EPB41L2: variants seen among roughly 807,000 people sequenced by gnomAD.
EPB41L2 encodes the protein band 4.1-like protein 2.
Under a neutral mutation model 113.0 loss-of-function variants are expected in EPB41L2, and 43 were observed. The observed-to-expected ratio is 0.38, with a 90% CI of 0.30 to 0.49. EPB41L2 has a LOEUF of 0.49. Ranked by LOEUF, EPB41L2 falls within the 20% of genes least tolerant of loss-of-function variation. The pLI is 0.95. For missense variants in EPB41L2, 1,147 were observed against 1,223.4 expected, an observed-to-expected ratio of 0.94 and a Z score of 0.93; for synonymous variants, 442 against 436.7, an observed-to-expected ratio of 1.01 and a Z score of -0.15.
chr6:130,859,617 T>C (rs1207675667), intron 18 of EPB41L2, among the ~76,000 whole-genome samples: 1 of 151,912 alleles, frequency 6.6e-6, no homozygotes, highest in Non-Finnish European at 1.5e-5. Flanking sequence ...AATAAAGCCA[T>C]GCAATTTTTT....
chr6:130,888,971 A>G (rs1319814474), intron 11 of EPB41L2, among the ~76,000 whole-genome samples: 2 of 152,166 alleles, frequency 1.3e-5, no homozygotes, highest in Non-Finnish European at 2.9e-5. Flanking sequence ...CTTCTAGAAA[A>G]AGCAGATGAA....
intron 19 of EPB41L2, among the ~76,000 whole-genome samples, chr6:130,847,510 A>G (rs116773314): frequency 8.9e-4 from 135 of 152,268 alleles, no homozygotes; most frequent in Middle Eastern, 3.4e-3. Flanking sequence ...GAAGAATAAG[A>G]GCTTGAGGAA....
chr6:130,999,175 A>T (rs1160140559), intron 1 of EPB41L2, among the ~76,000 whole-genome samples: 2 of 151,902 alleles, frequency 1.3e-5, no homozygotes, highest in Non-Finnish European at 2.9e-5. Flanking sequence ...TCTCTCCCAG[A>T]TCCCCTAGTG....
rs759961373 is a variant in EPB41L2, at chr6:130,901,186, A to C, written c.930-6T>G. On this transcript the variant is annotated splice_polypyrimidine_tract_variant and splice_region_variant and intron_variant, in intron 6 of 19. Coordinates refer to ENST00000337057, the MANE Select transcript of EPB41L2 (RefSeq NM_001431.4). ...GCTGAAGGCACAAGAAGTATCTGTG[A>C]GGAGCAGAGGGAGAAATGGGTCAGG... 1.2e-6 allele frequency: 2 copies of C among 1,612,440 alleles called. No individual in the cohort carries two copies. The highest frequency in any genetic ancestry group is 2.7e-5 in the African/African-American group (2 of 74,908).
rs191620479 is a variant in EPB41L2, at chr6:130,880,359, A to T, written c.1834-153T>A. On this transcript the variant is annotated intron_variant, in intron 12 of 19. Coordinates refer to ENST00000337057, the MANE Select transcript of EPB41L2 (RefSeq NM_001431.4). ...TGAACTTAAAGCCACAACAAACACA[A>T]CTCACAAATAAACCCTGAGAGTGGA... The T allele has an allele frequency of 5.9e-5, 37 of 624,912 alleles. No homozygotes were observed. The Middle Eastern group carries it at 3.1e-3, about 52-fold the overall frequency. 38.7% of individuals were successfully genotyped at this position (624,912 alleles called of 1,614,324 possible).
intron 1 of EPB41L2, among the ~76,000 whole-genome samples, chr6:131,025,650 A>C (rs1790697917): frequency 6.6e-6 from 1 of 152,174 alleles, no homozygotes; most frequent in African/African-American, 2.4e-5. Context: ...TCTTTAAAAC[A>C]CATTTGTCCT....
At chr6:130,913,796 T>G (rs1046927476) in intron 4 of EPB41L2, among the ~76,000 whole-genome samples, 7 of 152,146 alleles carry the variant, frequency 4.6e-5, no homozygotes, top group Non-Finnish European at 1.0e-4. Flanking sequence ...CAAACAAAAC[T>G]TTTAAATAAA....
chr6:131,007,995 C>A (rs541027987), intron 1 of EPB41L2, among the ~76,000 whole-genome samples: 2 of 152,304 alleles, frequency 1.3e-5, no homozygotes, highest in East Asian at 3.9e-4. Context: ...AACCAATTTT[C>A]TGGGGAGAAA....
chr6:130,848,195 TCTCTCA>T (rs1777621124), intron 19 of EPB41L2, among the ~76,000 whole-genome samples: 16 of 110,760 alleles, frequency 1.4e-4, no homozygotes, highest in African/African-American at 6.0e-4. Flanking sequence ...TCTCTCTCTC[TCTCTCA>T]CACACACACA....
chr6:130,916,430 G>A (rs1801112124), intron 4 of EPB41L2, among the ~76,000 whole-genome samples: 1 of 150,016 alleles, frequency 6.7e-6, no homozygotes, highest in African/African-American at 2.4e-5. Context: ...CATCTAGGGG[G>A]AAAAAAAAAG....
At chr6:130,979,813 A>G (rs1022760527) in intron 1 of EPB41L2, among the ~76,000 whole-genome samples, 6 of 152,198 alleles carry the variant, frequency 3.9e-5, no homozygotes, top group Non-Finnish European at 7.3e-5. Context: ...TCCAGGTGGA[A>G]ATCCGAAGAT....
chr6:130,878,035 G>T, intron 14 of EPB41L2, 69 bp downstream of exon 14: 1 of 1,452,920 alleles, frequency 6.9e-7, no homozygotes, highest in South Asian at 1.5e-5. Context: ...ACTCAACATA[G>T]AGATTAACAA....
intron 1 of EPB41L2, among the ~76,000 whole-genome samples, chr6:130,987,549 C>T (rs532794171): frequency 7.2e-5 from 11 of 152,068 alleles, no homozygotes; most frequent in East Asian, 3.9e-4. Flanking sequence ...AAAAATTAGC[C>T]GGGTGTGGTA....
chr6:130,982,169 G>C lies in EPB41L2; in HGVS notation c.-14-25670C>G, dbSNP rs192540822. Among the ~76,000 whole-genome samples, 450 of 150,938 alleles carry C rather than the reference G, an allele frequency of 3.0e-3. 3 individuals carry two copies. The highest frequency in any genetic ancestry group is 0.01 in the African/African-American group (422 of 41,184). On this transcript the variant is annotated intron_variant, in intron 1 of 19. Coordinates refer to ENST00000337057, the MANE Select transcript of EPB41L2 (RefSeq NM_001431.4). ...ACTCCGAAACAAGAAACACAATTTAGGAAACCAAATCAATGCTTTATTTTG... is the reference window on the plus strand; with the variant it reads ...ACTCCGAAACAAGAAACACAATTTACGAAACCAAATCAATGCTTTATTTTG...
At chr6:130,911,629 C>T (rs566916129) in intron 4 of EPB41L2, among the ~76,000 whole-genome samples, 2 of 152,240 alleles carry the variant, frequency 1.3e-5, no homozygotes, top group Non-Finnish European at 2.9e-5. Flanking sequence ...GAAACTGTTA[C>T]AGCATCTTAA....
At chr6:130,871,692 ACAG>A (rs1321530915) in intron 14 of EPB41L2, among the ~76,000 whole-genome samples, 2 of 152,220 alleles carry the variant, frequency 1.3e-5, no homozygotes, top group Non-Finnish European at 2.9e-5. Context: ...CTAACAGAAG[ACAG>A]CTATCTTTCC....
rs1432935472 is a variant in EPB41L2 at position 130,863,727 on chromosome 6, C to G, written c.2830-9G>C. 1 of 1,601,812 alleles carries G rather than the reference C, an allele frequency of 6.2e-7. No homozygotes were observed. Among genetic ancestry groups the G allele is most frequent in the East Asian group, 2.2e-5 (1 of 44,756 alleles). On this transcript the variant is annotated splice_polypyrimidine_tract_variant and intron_variant, in intron 17 of 19. Coordinates refer to ENST00000337057, the MANE Select transcript of EPB41L2 (RefSeq NM_001431.4). ...ATTCCACCTTTTACAGTCTAAAGGT[C>G]ATAAAGGAGAAGAAGAAAAAACAGC...
Position 130,955,243 on chromosome 6 carries a change from T to G in EPB41L2, c.567A>C (p.Ala189=). The G allele has an allele frequency of 6.2e-7, 1 of 1,614,198 alleles. No homozygotes were observed. Among genetic ancestry groups the G allele is most frequent in the Non-Finnish European group, 8.5e-7 (1 of 1,180,038 alleles). The change falls in exon 3 of 20, where the codon GCA becomes GCC. Residue 189 remains alanine (A), a synonymous_variant. Transcript: ENST00000337057. ...ETQEDKLEGG[A]AKRETKEVQT... is the part of the protein sequence containing the mutation. ...GCACTTCCTTGGTCTCCCTTTTTGC[T>G]GCTCCTCCTTCTAATTTGTCTTCCT...
At chr6:130,865,439 C>A (rs1783419265) in intron 17 of EPB41L2, 97 bp downstream of exon 17, 3 of 1,223,692 alleles carry the variant, frequency 2.5e-6, no homozygotes, top group Non-Finnish European at 3.5e-6. Flanking sequence ...CTGTCTGTAT[C>A]TTACTTGGAA....
Sources: gnomAD v4.1 joint callset for allele counts (sites outside exome capture counted in the v4.1 genomes callset) on GRCh38, gnomAD v4.1.1 for gene constraint, MANE v1.5 for transcripts, NCBI Gene and HGNC (gene_info 2026-07-23, HGNC 2026-07-21) for gene names.